Variants in PGS1 observed in about 807,000 individuals in gnomAD.
PGS1 encodes phosphatidylglycerophosphate synthase 1.
Under a neutral mutation model 58.3 loss-of-function variants are expected in PGS1, and 44 were observed. The observed-to-expected ratio is 0.75, with a 90% CI of 0.59 to 0.97. The LOEUF is 0.97. Ranked by LOEUF, PGS1 falls within the 50% of genes least tolerant of loss-of-function variation. The probability of loss-of-function intolerance (pLI) is 0.00; values close to 1 mark genes in which losing one functional copy is unlikely to be tolerated. For synonymous variants in PGS1, 330 were observed against 311.0 expected, an observed-to-expected ratio of 1.06 and a Z score of -0.64; for missense variants, 684 against 731.1, an observed-to-expected ratio of 0.94 and a Z score of 0.74.
intron 4 of PGS1, among the ~76,000 whole-genome samples, 155 bp downstream of exon 4, chr17:78,398,506 T>A (rs894453865): frequency 1.3e-5 from 2 of 152,150 alleles, no homozygotes; most frequent in African/African-American, 4.8e-5. Flanking sequence ...GAGTTAGGAT[T>A]TTTTTCTTCA....
At chr17:78,394,171 CCCAAAAAAAA>C (rs1185614626) in intron 2 of PGS1, among the ~76,000 whole-genome samples, 10 of 27,812 alleles carry the variant, frequency 3.6e-4, no homozygotes, top group Admixed American at 1.3e-3. Flanking sequence ...GACTCTATCT[CCCAAAAAAAA>C]AAAAAAAAAA....
chr17:78,404,106 T>C lies in PGS1; in HGVS notation c.1402+17T>C. On this transcript the variant is annotated intron_variant, in intron 7 of 9. Transcript: ENST00000262764. ...ACGCCAAAGGTGCGCAGCGGCTGGC[T>C]GGAGGACGTTCCAGTGTGGGACAGC... 1 of 1,502,276 alleles carries C rather than the reference T, an allele frequency of 6.7e-7. No homozygotes were observed. Among genetic ancestry groups the C allele is most frequent in the Non-Finnish European group, 8.9e-7 (1 of 1,124,594 alleles). The allele number at this position is 1,502,276 out of a possible 1,614,324, so 93.1% of individuals were successfully genotyped here.
chr17:78,385,662 A>C (rs8070806), intron 1 of PGS1, among the ~76,000 whole-genome samples: 23,373 of 152,144 alleles, frequency 0.15, 2,160 homozygotes, highest in African/African-American at 0.26. Context: ...TGACCTCATC[A>C]TCTGCCTGCT....
chr17:78,395,468 A>G (rs1011355173), intron 2 of PGS1, among the ~76,000 whole-genome samples: 1 of 152,048 alleles, frequency 6.6e-6, no homozygotes, highest in Admixed American at 6.5e-5. Context: ...CTCATAGGGA[A>G]GCAGGTAGAT....
intron 8 of PGS1, among the ~76,000 whole-genome samples, chr17:78,415,600 C>T (rs1186014619): frequency 6.6e-6 from 1 of 152,182 alleles, no homozygotes; most frequent in Non-Finnish European, 1.5e-5. Flanking sequence ...CCATTGCACT[C>T]CAGCCTGGGC....
intron 2 of PGS1, among the ~76,000 whole-genome samples, chr17:78,394,924 C>T (rs72911393): frequency 0.12 from 18,143 of 152,218 alleles, 1,346 homozygotes; most frequent in East Asian, 0.26. Context: ...CTGACTGTCT[C>T]CACATAGTGA....
At chr17:78,404,928 G>A (rs1324534661) in intron 7 of PGS1, among the ~76,000 whole-genome samples, 4 of 152,120 alleles carry the variant, frequency 2.6e-5, no homozygotes, top group African/African-American at 9.7e-5. Context: ...CCAAAGTGCT[G>A]GGATTACAGG....
chr17:78,421,451 A>C (rs1281899310), intron 9 of PGS1: 1 of 152,260 alleles, frequency 6.6e-6, no homozygotes, highest in African/African-American at 2.4e-5. Context: ...ACCTGGTCTT[A>C]GACAAGGACA....
At chr17:78,404,574 T>G (rs1043959068) in intron 7 of PGS1, among the ~76,000 whole-genome samples, 1 of 152,086 alleles carries the variant, frequency 6.6e-6, no homozygotes, top group South Asian at 2.1e-4. Flanking sequence ...ATCCGTCTCT[T>G]TTATGCATCA....
chr17:78,408,902 G>C (rs745453950), intron 7 of PGS1, among the ~76,000 whole-genome samples: 1 of 152,198 alleles, frequency 6.6e-6, no homozygotes, highest in Non-Finnish European at 1.5e-5. Context: ...TGCTGCCGCA[G>C]ACACATCTGG....
intron 8 of PGS1, among the ~76,000 whole-genome samples, chr17:78,416,122 G>A (rs1387031753): frequency 6.6e-6 from 1 of 152,192 alleles, no homozygotes; most frequent in East Asian, 1.9e-4. Context: ...TTGGTGCCAG[G>A]AAAGGCTTCA....
chr17:78,391,377 G>T (rs1004372109), intron 1 of PGS1, among the ~76,000 whole-genome samples: 3 of 152,184 alleles, frequency 2.0e-5, no homozygotes, highest in African/African-American at 7.2e-5. Flanking sequence ...GAATGCAATG[G>T]CATGATCATA....
intron 7 of PGS1, among the ~76,000 whole-genome samples, chr17:78,409,684 G>A (rs1598354259): frequency 6.6e-6 from 1 of 152,230 alleles, no homozygotes; most frequent in Admixed American, 6.5e-5. Context: ...AGCCTGTGAT[G>A]TCTTCTGTCC....
chr17:78,420,005 A>T, intron 9 of PGS1: 1 of 1,148,820 alleles, frequency 8.7e-7, no homozygotes, highest in Non-Finnish European at 1.1e-6. Context: ...CTCAGGGATG[A>T]GGGGGCAGAA....
At chr17:78,422,079 C>A (rs975488639) in intron 9 of PGS1, among the ~76,000 whole-genome samples, 1 of 152,210 alleles carries the variant, frequency 6.6e-6, no homozygotes, top group African/African-American at 2.4e-5. Context: ...AGATTACTTT[C>A]TTATTTCAGG....
chr17:78,415,740 G>C (rs1304520608), intron 8 of PGS1, among the ~76,000 whole-genome samples: 2 of 152,194 alleles, frequency 1.3e-5, no homozygotes, highest in Non-Finnish European at 2.9e-5. Flanking sequence ...TGAATGCTTC[G>C]GGATGACCCT....
At position 78,414,185 on chromosome 17, in the gene PGS1, C is replaced by A. The variant is rs1023503926; in HGVS notation, c.1403-694C>A. ...ATAGGGAGGCTGGGTCAGGGAGACT[C>A]ACTACATGTTCCTCAGTCAGAAGGG... On this transcript the variant is annotated intron_variant, in intron 7 of 9. Coordinates refer to ENST00000262764, the MANE Select transcript of PGS1 (RefSeq NM_024419.5). 7.9e-5 allele frequency among the ~76,000 whole-genome samples: 12 copies of A among 152,300 alleles called. 1 individual carries two copies. Among genetic ancestry groups the A allele is most frequent in the Middle Eastern group, 3.4e-3 (1 of 294 alleles).
At chr17:78,387,021 G>A (rs1204234029) in intron 1 of PGS1, among the ~76,000 whole-genome samples, 1 of 151,630 alleles carries the variant, frequency 6.6e-6, no homozygotes, top group Non-Finnish European at 1.5e-5. Flanking sequence ...ATGATGATTA[G>A]CATTTTTGAG....
chr17:78,424,208 G>A lies in PGS1; in HGVS notation c.*158G>A. ...TGTGCTGCCAGTAAGTGAGGGAGGG[G>A]CTGGCAGGAAGGGTGGGGTCCTCAC... On this transcript the variant is annotated 3_prime_UTR_variant, in exon 10 of 10. Transcript: ENST00000262764. The A allele has an allele frequency of 6.4e-7, 1 of 1,556,902 alleles. No individual in the cohort carries two copies.
Sources: gnomAD v4.1 joint callset for allele counts (sites outside exome capture counted in the v4.1 genomes callset) on GRCh38, gnomAD v4.1.1 for gene constraint, MANE v1.5 for transcripts, NCBI Gene and HGNC (gene_info 2026-07-23, HGNC 2026-07-21) for gene names.